The following NTRK3 variants were observed in gnomAD, a reference collection of about 807,000 sequenced individuals.
NTRK3 encodes the protein neurotrophic receptor tyrosine kinase 3.
Under a neutral mutation model 91.7 loss-of-function variants are expected in NTRK3, and 24 were observed. The observed-to-expected ratio is 0.26, with a 90% CI of 0.19 to 0.37. The LOEUF (loss-of-function observed/expected upper bound fraction) is 0.37, where lower values mean the gene tolerates loss of function less well. NTRK3 is among the 10% of genes least tolerant of loss of function. The pLI, the probability that NTRK3 is intolerant of heterozygous loss-of-function variation, is 1.00. For synonymous variants in NTRK3, 483 were observed against 404.0 expected, an observed-to-expected ratio of 1.20 and a Z score of -2.34; for missense variants, 880 against 1,068.9, an observed-to-expected ratio of 0.82 and a Z score of 2.46.
At chr15:87,885,839 G>A (rs2065503444) in intron 17 of NTRK3, 104 bp from the exon 18 acceptor site, 2 of 446,716 alleles carry the variant, frequency 4.5e-6, no homozygotes, top group Non-Finnish European at 7.6e-6. Flanking sequence ...ACATGTTCAA[G>A]AAGCCATCAA....
chr15:87,890,442 C>T (rs560673182), intron 17 of NTRK3, among the ~76,000 whole-genome samples: 6 of 152,134 alleles, frequency 3.9e-5, no homozygotes, highest in African/African-American at 7.2e-5. Context: ...TATACAGGAC[C>T]GGTAAGATAA....
intron 14 of NTRK3, among the ~76,000 whole-genome samples, chr15:88,016,015 A>G (rs1321565019): frequency 6.6e-6 from 1 of 151,342 alleles, no homozygotes; most frequent in Non-Finnish European, 1.5e-5. Flanking sequence ...ATATGATCTC[A>G]TTTGTGTGTG....
chr15:87,967,481 C>A (rs915134217), intron 14 of NTRK3, among the ~76,000 whole-genome samples: 2 of 152,176 alleles, frequency 1.3e-5, no homozygotes, highest in Non-Finnish European at 1.5e-5. Context: ...TAGGTCCTGG[C>A]TAGAGCACTG....
At chr15:87,886,676 C>CTATATATATATATA (rs35011403) in intron 17 of NTRK3, among the ~76,000 whole-genome samples, 5,421 of 100,846 alleles carry the variant, frequency 0.054, 259 homozygotes, top group Non-Finnish European at 0.073. Context: ...CCACTTTTTG[C>CTATATATATATATA]TATATATATA....
rs537012666 is a variant in NTRK3 at position 87,934,589 on chromosome 15, TG to T, written c.1717-1406del. Among the ~76,000 whole-genome samples the T allele has an allele frequency of 2.6e-5, 4 of 152,042 alleles. No individual in the cohort carries two copies. The South Asian group carries it at 6.2e-4, about 24-fold the overall frequency. ...GTGAATATGCCAAAAGAGGTGTATC[TG>T]GGGGGGTCCATCAAACCTCTCAGCC... is the stretch of plus-strand genomic sequence containing the variant. On this transcript the variant is annotated intron_variant, in intron 15 of 18. Transcript: ENST00000394480.
chr15:87,880,150 G>T, intron 18 of NTRK3, 120 bp downstream of exon 19: 2 of 1,253,096 alleles, frequency 1.6e-6, no homozygotes, highest in Non-Finnish European at 2.3e-6. Context: ...ACTAATGCCT[G>T]CATTCACTCT....
At chr15:87,929,900 C>G (rs1440926812) in intron 16 of NTRK3, among the ~76,000 whole-genome samples, 1 of 152,148 alleles carries the variant, frequency 6.6e-6, no homozygotes, top group Non-Finnish European at 1.5e-5. Flanking sequence ...CCCAGAGGTC[C>G]AGAATGGCCA....
At chr15:87,952,336 T>C (rs1596377156) in intron 14 of NTRK3, among the ~76,000 whole-genome samples, 2 of 152,312 alleles carry the variant, frequency 1.3e-5, no homozygotes, top group South Asian at 2.1e-4. Flanking sequence ...AAATCCAGTC[T>C]AGTCGTGAGC....
chr15:87,969,989 G>A (rs994844875), intron 14 of NTRK3, among the ~76,000 whole-genome samples: 9 of 152,170 alleles, frequency 5.9e-5, no homozygotes, highest in African/African-American at 1.9e-4. Flanking sequence ...AGAAGGACCA[G>A]GAACCAAGAG....
At chr15:88,245,219 C>T (rs2052705704) in intron 3 of NTRK3, among the ~76,000 whole-genome samples, 1 of 152,232 alleles carries the variant, frequency 6.6e-6, no homozygotes, top group African/African-American at 2.4e-5. Context: ...GGAAATGTCA[C>T]TGCCCATCAC....
At chr15:88,244,833 G>A (rs2141937422) in intron 3 of NTRK3, among the ~76,000 whole-genome samples, 1 of 152,320 alleles carries the variant, frequency 6.6e-6, no homozygotes, top group East Asian at 1.9e-4. Context: ...ATAGCCAAGA[G>A]GGAATCAGCT....
chr15:88,150,112 G>A (rs904254857), intron 5 of NTRK3, among the ~76,000 whole-genome samples: 5 of 152,288 alleles, frequency 3.3e-5, no homozygotes, highest in African/African-American at 1.2e-4. Context: ...TAGCCAGAAA[G>A]CTCAGACTTA....
chr15:88,106,718 G>A (rs545755353), intron 13 of NTRK3, among the ~76,000 whole-genome samples: 35 of 152,230 alleles, frequency 2.3e-4, no homozygotes, highest in Non-Finnish European at 4.7e-4. Context: ...GGATCATGAG[G>A]TCAGGAGTTC....
chr15:87,863,353 T>G (rs2064575059), exon 19 of NTRK3: 1 of 225,956 alleles, frequency 4.4e-6, no homozygotes, highest in Non-Finnish European at 8.8e-6. Flanking sequence ...AGCGGGCCCC[T>G]TCAATTCAGG....
intron 13 of NTRK3, among the ~76,000 whole-genome samples, chr15:88,121,413 G>A (rs999158069): frequency 6.6e-6 from 1 of 152,146 alleles, no homozygotes; most frequent in African/African-American, 2.4e-5. Context: ...TCCTTGTCTG[G>A]GCCTCGGTTT....
chr15:87,900,991 C>T (rs928757028), intron 17 of NTRK3, among the ~76,000 whole-genome samples: 1 of 152,122 alleles, frequency 6.6e-6, no homozygotes, highest in Non-Finnish European at 1.5e-5. Flanking sequence ...AGGTCCACTT[C>T]GTTCCACACA....
At chr15:87,967,890 C>T (rs370779413) in intron 14 of NTRK3, among the ~76,000 whole-genome samples, 73 of 152,302 alleles carry the variant, frequency 4.8e-4, no homozygotes, top group African/African-American at 1.7e-3. Flanking sequence ...TGGACTTCTA[C>T]ACTTGGATCA....
chr15:88,004,562 G>A (rs2076353986), intron 14 of NTRK3, among the ~76,000 whole-genome samples: 2 of 152,158 alleles, frequency 1.3e-5, no homozygotes, highest in African/African-American at 4.8e-5. Context: ...CATCAAAACA[G>A]CTGTTGGAAA....
chr15:88,109,142 C>T (rs555216313), intron 13 of NTRK3, among the ~76,000 whole-genome samples: 1 of 152,310 alleles, frequency 6.6e-6, no homozygotes, highest in Non-Finnish European at 1.5e-5. Context: ...GTTAAGCAAA[C>T]AGCACCACCG....
Sources: allele counts gnomAD v4.1 joint callset (sites outside exome capture counted in the v4.1 genomes callset), GRCh38; gene constraint gnomAD v4.1.1; transcripts MANE v1.5; gene names NCBI Gene and HGNC (gene_info 2026-07-23, HGNC 2026-07-21).